FBXL17: variants seen among roughly 807,000 people sequenced by gnomAD.
FBXL17 encodes F-box and leucine rich repeat protein 17.
Under a neutral mutation model 66.2 loss-of-function variants are expected in FBXL17, and 22 were observed. That is an observed-to-expected ratio of 0.33 (90% CI 0.24 to 0.47). The LOEUF (loss-of-function observed/expected upper bound fraction) is 0.47, where lower values mean the gene tolerates loss of function less well. Ranked by LOEUF, FBXL17 falls within the 20% of genes least tolerant of loss-of-function variation. FBXL17 has a pLI of 1.00. For missense variants in FBXL17, 878 were observed against 948.2 expected (o/e 0.93, Z 0.97); for synonymous variants, 474 against 400.5 (o/e 1.18, Z -2.19).
intron 6 of FBXL17, among the ~76,000 whole-genome samples, chr5:108,127,602 A>G (rs1328493656): frequency 6.6e-6 from 1 of 152,128 alleles, no homozygotes; most frequent in African/African-American, 2.4e-5. Flanking sequence ...ACATGGAAGG[A>G]GCTAGGAAGG....
chr5:108,216,524 T>C (rs1754605669), intron 5 of FBXL17, among the ~76,000 whole-genome samples: 1 of 152,204 alleles, frequency 6.6e-6, no homozygotes, highest in Admixed American at 6.5e-5. Context: ...CTTTTCAATG[T>C]CTTTTTAATT....
At chr5:107,883,031 T>C (rs902279059) in intron 7 of FBXL17, among the ~76,000 whole-genome samples, 4 of 152,252 alleles carry the variant, frequency 2.6e-5, no homozygotes, top group African/African-American at 9.6e-5. Context: ...GACTTACTAC[T>C]ATTTACTGAA....
chr5:108,147,006 A>G (rs1751587025), intron 6 of FBXL17, among the ~76,000 whole-genome samples: 1 of 152,198 alleles, frequency 6.6e-6, no homozygotes, highest in Admixed American at 6.5e-5. Context: ...TCTGCTTCAT[A>G]GAAGGTGCCT....
chr5:108,136,627 CATACTA>C (rs1362899061), intron 6 of FBXL17, among the ~76,000 whole-genome samples: 1 of 152,092 alleles, frequency 6.6e-6, no homozygotes, highest in Non-Finnish European at 1.5e-5. Context: ...AAAAAAGATA[CATACTA>C]ATACATAAAA....
chr5:108,343,306 G>A (rs1048325748), intron 4 of FBXL17, among the ~76,000 whole-genome samples: 1 of 152,122 alleles, frequency 6.6e-6, no homozygotes, highest in Non-Finnish European at 1.5e-5. Context: ...CTGTTCACTG[G>A]AAACTACCAT....
At chr5:108,367,373 A>G (rs1251277170) in intron 2 of FBXL17, among the ~76,000 whole-genome samples, 1 of 152,074 alleles carries the variant, frequency 6.6e-6, no homozygotes, top group African/African-American at 2.4e-5. Flanking sequence ...TTTTACTTCC[A>G]TTTCTTCATC....
intron 1 of FBXL17, among the ~76,000 whole-genome samples, chr5:108,375,374 C>CACACACAG (rs1749349013): frequency 1.7e-5 from 2 of 116,984 alleles, no homozygotes; most frequent in Non-Finnish European, 4.1e-5. Flanking sequence ...CCTGCACACA[C>CACACACAG]ACACACACAC....
At chr5:108,374,682 T>C (rs1207606211) in intron 1 of FBXL17, among the ~76,000 whole-genome samples, 1 of 148,684 alleles carries the variant, frequency 6.7e-6, no homozygotes, top group Admixed American at 6.7e-5. Context: ...TTTCAAAAAA[T>C]GAAAGAAAAG....
rs193256521 is a variant in FBXL17 at position 108,344,176 on chromosome 5, G to A, written c.1506+4223C>T. 9.6e-3 allele frequency among the ~76,000 whole-genome samples: 1,186 copies of A among 122,902 alleles called. 8 individuals carry two copies. The highest frequency in any genetic ancestry group is 0.016 in the Admixed American group (207 of 12,660). 80.6% of individuals were successfully genotyped at this position (122,902 alleles called of 152,430 possible). On this transcript the variant is annotated intron_variant, in intron 4 of 8. Transcript: ENST00000542267. ...TCCCCTTAAAATGCTTTCAGCCTAG[G>A]GGGTCGGGGGGGAAAGCCTGGAGAG... is the stretch of plus-strand genomic sequence containing the variant.
At chr5:108,131,166 C>A (rs971600298) in intron 6 of FBXL17, among the ~76,000 whole-genome samples, 1 of 152,090 alleles carries the variant, frequency 6.6e-6, no homozygotes, top group African/African-American at 2.4e-5. Flanking sequence ...TTATTTCTAA[C>A]CCCAGTAAAT....
rs1199411312 is a variant in FBXL17, at chr5:108,154,410, G to A, written c.1745+31707C>T. On this transcript the variant is annotated intron_variant, in intron 6 of 8. Coordinates refer to ENST00000542267, the MANE Select transcript of FBXL17 (RefSeq NM_001163315.3). Reference sequence around the variant, plus strand: ...GGAGTTCGAGACCAGCCTCAACATGGAGAAACCCCGTCTCTACTAAAAACA... The same window carrying A: ...GGAGTTCGAGACCAGCCTCAACATGAAGAAACCCCGTCTCTACTAAAAACA... Among the ~76,000 whole-genome samples, 9 of 150,872 alleles carry A rather than the reference G, an allele frequency of 6.0e-5. No homozygotes were observed. In the South Asian group the frequency reaches 1.3e-3, roughly 21 times the overall value.
intron 3 of FBXL17, among the ~76,000 whole-genome samples, chr5:108,364,219 C>T (rs925907097): frequency 6.6e-6 from 1 of 151,940 alleles, no homozygotes; most frequent in Non-Finnish European, 1.5e-5. Context: ...ACCTTAAATG[C>T]CATTTCCAAA....
At chr5:107,874,545 A>G (rs1748556969) in intron 8 of FBXL17, among the ~76,000 whole-genome samples, 1 of 152,220 alleles carries the variant, frequency 6.6e-6, no homozygotes, top group South Asian at 2.1e-4. Flanking sequence ...AAGGTCCCAG[A>G]GACAGTAAAA....
At chr5:107,995,095 TTATGA>T (rs1446523143) in intron 7 of FBXL17, among the ~76,000 whole-genome samples, 1 of 152,160 alleles carries the variant, frequency 6.6e-6, no homozygotes, top group African/African-American at 2.4e-5. Context: ...AACTGCGTAC[TTATGA>T]TAGGTGTGCA....
chr5:108,076,505 A>G lies in FBXL17; in HGVS notation c.1746-55504T>C, dbSNP rs1748552241. 2.0e-5 allele frequency among the ~76,000 whole-genome samples: 3 copies of G among 152,230 alleles called. No individual in the cohort carries two copies. The South Asian group carries it at 6.2e-4, about 32-fold the overall frequency. On this transcript the variant is annotated intron_variant, in intron 6 of 8. Transcript: ENST00000542267. Reference sequence around the variant, plus strand: ...ACAATTCTATACATAAAGTACAGGAAATTTGTTTTTGTTAAGAAAGGTTAT... The same window carrying G: ...ACAATTCTATACATAAAGTACAGGAGATTTGTTTTTGTTAAGAAAGGTTAT...
intron 4 of FBXL17, among the ~76,000 whole-genome samples, chr5:108,251,600 G>T (rs1756353423): frequency 6.6e-6 from 1 of 151,936 alleles, no homozygotes; most frequent in African/African-American, 2.4e-5. Context: ...AAGAGAAGTT[G>T]GCAACAGGAC....
intron 6 of FBXL17, among the ~76,000 whole-genome samples, chr5:108,059,980 T>C (rs1159884493): frequency 6.6e-6 from 1 of 150,768 alleles, no homozygotes; most frequent in Non-Finnish European, 1.5e-5. Context: ...ACACTGAATA[T>C]GTTTTTATAT....
chr5:108,083,683 C>CAAAT (rs1748862661), intron 6 of FBXL17, among the ~76,000 whole-genome samples: 2 of 151,878 alleles, frequency 1.3e-5, no homozygotes, highest in East Asian at 1.9e-4. Flanking sequence ...GCTGAGATTA[C>CAAAT]AGGCATGAGC....
chr5:108,209,450 C>T lies in FBXL17; in HGVS notation c.1614+14671G>A, dbSNP rs142774997. Among the ~76,000 whole-genome samples the T allele has an allele frequency of 3.6e-3, 543 of 152,238 alleles. 4 individuals carry two copies. The highest frequency in any genetic ancestry group is 0.013 in the African/African-American group (526 of 41,532). ...AGTATGATACTCACTGTGGGTTTGT[C>T]ATAAATAACTCTTATTATTTTGAGA... On this transcript the variant is annotated intron_variant, in intron 5 of 8. Coordinates refer to ENST00000542267, the MANE Select transcript of FBXL17 (RefSeq NM_001163315.3).
Sources: allele counts gnomAD v4.1 joint callset (sites outside exome capture counted in the v4.1 genomes callset), GRCh38; gene constraint gnomAD v4.1.1; transcripts MANE v1.5; gene names NCBI Gene and HGNC (gene_info 2026-07-23, HGNC 2026-07-21).